Variants in METAP2 observed in about 807,000 individuals in gnomAD.
METAP2 encodes the protein methionyl aminopeptidase 2.
In METAP2, 25 loss-of-function variants were observed where a neutral mutation model predicts 59.4. The ratio of observed to expected loss-of-function variants is 0.42; its 90% CI spans 0.31 to 0.59. METAP2 has a LOEUF of 0.59. METAP2 is among the 20% of genes least tolerant of loss of function. The pLI, the probability that METAP2 is intolerant of heterozygous loss-of-function variation, is 0.16. For synonymous variants in METAP2, 214 were observed against 194.1 expected (o/e 1.10, Z -0.85); for missense variants, 366 against 581.2 (o/e 0.63, Z 3.81).
chr12:95,495,161 T>C (rs2076267594), intron 6 of METAP2, 23 bp downstream of exon 6: 4 of 1,572,660 alleles, frequency 2.5e-6, no homozygotes, highest in Non-Finnish European at 3.5e-6. Flanking sequence ...AGAAAATTCC[T>C]ACCCCAGCCT....
At chr12:95,489,265 T>G (rs920877663) in intron 4 of METAP2, among the ~76,000 whole-genome samples, 1 of 152,204 alleles carries the variant, frequency 6.6e-6, no homozygotes, top group Non-Finnish European at 1.5e-5. Context: ...AAAATGAGAT[T>G]TTGTAAACTT....
Position 95,512,875 on chromosome 12 carries a change from A to C in METAP2, c.1143A>C (p.Ser381=). 6.2e-7 allele frequency: 1 copy of C among 1,613,248 alleles called. No homozygotes were observed. Among genetic ancestry groups the C allele is most frequent in the African/African-American group, 1.3e-5 (1 of 75,022 alleles). ...KGVVHDDMEC[S]HYMKNFDVGH... ...TTGTTCATGATGATATGGAATGTTC[A>C]CATTACATGAAAAATTTTGATGTTG... Residue 381 remains serine (S), a synonymous_variant, in exon 10 of 11, where the codon TCA becomes TCC. Transcript: ENST00000323666.
rs562513426 is a variant in METAP2 at position 95,484,413 on chromosome 12, T to TA, written c.325+1142dup. On this transcript the variant is annotated intron_variant, in intron 3 of 10. Transcript: ENST00000323666. ...GGCTATATTGTCCTATTCTTTCCAT[T>TA]AAAAAAAAATTATTAAAAGTTTGGC... Among the ~76,000 whole-genome samples the TA allele has an allele frequency of 5.3e-4, 79 of 150,102 alleles. No individual in the cohort carries two copies. In the South Asian group the frequency reaches 7.2e-3, roughly 14 times the overall value.
intron 5 of METAP2, 75 bp downstream of exon 5, chr12:95,494,292 T>C: frequency 7.3e-7 from 1 of 1,361,186 alleles, no homozygotes; most frequent in Non-Finnish European, 1.0e-6. Flanking sequence ...TTATAATGTT[T>C]GGCTTTCATT....
chr12:95,482,883 C>T (rs2076169220), intron 2 of METAP2, among the ~76,000 whole-genome samples: 1 of 152,198 alleles, frequency 6.6e-6, no homozygotes, highest in Non-Finnish European at 1.5e-5. Flanking sequence ...TCCTAGATCA[C>T]GTTACCTCCC....
At position 95,478,272 on chromosome 12, in the gene METAP2, A is replaced by G. The variant is rs566487547; in HGVS notation, c.259+2094A>G. On this transcript the variant is annotated intron_variant, in intron 2 of 10. Coordinates refer to ENST00000323666, the MANE Select transcript of METAP2 (RefSeq NM_006838.4). Reference sequence around the variant, plus strand: ...TTATTTCAGTAATCAGAGTCAGTCAATACTACTTACCTGTTGTTAGGTCTT... The same window carrying G: ...TTATTTCAGTAATCAGAGTCAGTCAGTACTACTTACCTGTTGTTAGGTCTT... Among the ~76,000 whole-genome samples the G allele has an allele frequency of 5.3e-5, 8 of 152,334 alleles. No individual in the cohort carries two copies. In the South Asian group the frequency reaches 8.3e-4, roughly 16 times the overall value.
chr12:95,474,804 A>G, intron 1 of METAP2, among the ~76,000 whole-genome samples: 1 of 151,958 alleles, frequency 6.6e-6, no homozygotes, highest in Non-Finnish European at 1.5e-5. Flanking sequence ...ACCTCCTCCC[A>G]CTATCCCGTT....
intron 8 of METAP2, among the ~76,000 whole-genome samples, chr12:95,506,923 C>T (rs1222058261): frequency 2.0e-5 from 3 of 151,704 alleles, no homozygotes; most frequent in Admixed American, 1.3e-4. Context: ...GTTGGGATTA[C>T]GGGTGTGTGT....
intron 7 of METAP2, among the ~76,000 whole-genome samples, chr12:95,500,762 A>G (rs2076309318): frequency 6.6e-6 from 1 of 152,150 alleles, no homozygotes; most frequent in Admixed American, 6.5e-5. Flanking sequence ...TTTAATATGC[A>G]GTCGAACTTG....
intron 2 of METAP2, chr12:95,482,133 A>G (rs1438292834): frequency 2.2e-6 from 1 of 453,612 alleles, no homozygotes; most frequent in African/African-American, 2.0e-5. Flanking sequence ...TTAGGATACA[A>G]GATCTCCCTC....
chr12:95,508,646 T>C lies in METAP2; in HGVS notation c.965-3249T>C, dbSNP rs1395851051. ...TCCAACACTAGCCAACATATACCAA[T>C]GTCTTCTCTTTTTCCTTTCATTTTC... On this transcript the variant is annotated intron_variant, in intron 8 of 10. Coordinates refer to ENST00000323666, the MANE Select transcript of METAP2 (RefSeq NM_006838.4). Among the ~76,000 whole-genome samples, 7 of 152,216 alleles carry C rather than the reference T, an allele frequency of 4.6e-5. No homozygotes were observed. In the East Asian group the frequency reaches 1.3e-3, roughly 29 times the overall value.
chr12:95,504,494 TTTTGTTTTG>T (rs2076342629), intron 8 of METAP2, among the ~76,000 whole-genome samples: 1 of 152,190 alleles, frequency 6.6e-6, no homozygotes, highest in African/African-American at 2.4e-5. Flanking sequence ...TGTTGTTGTT[TTTTGTTTTG>T]TTTGTTTTTT....
At position 95,494,290 on chromosome 12, in the gene METAP2, T is replaced by A. The variant is rs147032981; in HGVS notation, c.590+73T>A. ...AAGTACTAACTCTCCAATTATAATG[T>A]TTGGCTTTCATTACCACTTTGCTAA... On this transcript the variant is annotated intron_variant, in intron 5 of 10. Transcript: ENST00000323666. 139 of 1,407,136 alleles carry A rather than the reference T, an allele frequency of 9.9e-5. No homozygotes were observed. The African/African-American group carries it at 1.7e-3, about 17-fold the overall frequency. The allele number at this position is 1,407,136 out of a possible 1,614,324, so 87.2% of individuals were successfully genotyped here. A position where few individuals can be genotyped will look rare whatever the true frequency, so the allele number is the denominator to read the frequency against.
chr12:95,508,375 G>A (rs1028842150), intron 8 of METAP2, among the ~76,000 whole-genome samples: 2 of 152,148 alleles, frequency 1.3e-5, no homozygotes, highest in African/African-American at 4.8e-5. Context: ...CTCCCCAGAA[G>A]CAAGATTCTT....
At chr12:95,507,450 T>G (rs1314599071) in intron 8 of METAP2, among the ~76,000 whole-genome samples, 4 of 152,264 alleles carry the variant, frequency 2.6e-5, no homozygotes, top group Non-Finnish European at 4.4e-5. Flanking sequence ...CCACGTTGCA[T>G]AAAGAACATG....
At chr12:95,491,521 A>G (rs1194134510) in intron 4 of METAP2, among the ~76,000 whole-genome samples, 1 of 152,080 alleles carries the variant, frequency 6.6e-6, no homozygotes, top group East Asian at 1.9e-4. Context: ...TGTTATTATT[A>G]TGTTTTTGAG....
intron 8 of METAP2, among the ~76,000 whole-genome samples, chr12:95,506,416 CCT>C (rs2076360909): frequency 6.6e-6 from 1 of 151,314 alleles, no homozygotes; most frequent in Admixed American, 6.6e-5. Context: ...TCTGCCTCAG[CCT>C]CTCAAGTAGC....
At chr12:95,483,173 A>C (rs1484975679) in intron 2 of METAP2, 42 bp from the exon 3 acceptor site, 1 of 1,480,262 alleles carries the variant, frequency 6.8e-7, no homozygotes. Context: ...CCCTCTGCTT[A>C]TGAGGTTTAA....
chr12:95,501,397 G>C (rs574509768), intron 7 of METAP2, among the ~76,000 whole-genome samples: 5 of 152,146 alleles, frequency 3.3e-5, no homozygotes, highest in Non-Finnish European at 7.3e-5. Context: ...ATAAACCAAA[G>C]TTAATAATAA....
Sources: gnomAD v4.1 joint callset for allele counts (sites outside exome capture counted in the v4.1 genomes callset) on GRCh38, gnomAD v4.1.1 for gene constraint, MANE v1.5 for transcripts, NCBI Gene and HGNC (gene_info 2026-07-23, HGNC 2026-07-21) for gene names.